Variants in DTNA observed in about 807,000 individuals in gnomAD.
The protein encoded by DTNA is dystrophin-related protein 3.
In DTNA, 43 loss-of-function variants were observed where a neutral mutation model predicts 100.7. The ratio of observed to expected loss-of-function variants is 0.43; its 90% CI spans 0.33 to 0.55. The LOEUF (loss-of-function observed/expected upper bound fraction) is 0.55. Ranked by LOEUF, DTNA falls within the 20% of genes least tolerant of loss-of-function variation. DTNA has a pLI of 0.04. For missense variants in DTNA, 798 were observed against 953.9 expected (o/e 0.84, Z 2.15); for synonymous variants, 349 against 347.9 (o/e 1.00, Z -0.04).
At chr18:34,670,646 G>T (rs1365015035) in intron 1 of DTNA, among the ~76,000 whole-genome samples, 2 of 152,178 alleles carry the variant, frequency 1.3e-5, no homozygotes. Context: ...TAACAGTCAG[G>T]ACCCTCAGCT....
upstream of DTNA, among the ~76,000 whole-genome samples, chr18:34,709,964 A>G (rs1392288275): frequency 6.6e-6 from 1 of 152,220 alleles, no homozygotes; most frequent in African/African-American, 2.4e-5. Context: ...ATTTAAAAAT[A>G]TTTAGTTGGC....
At chr18:34,612,522 G>A (rs542085941) in intron 1 of DTNA, among the ~76,000 whole-genome samples, 2 of 152,222 alleles carry the variant, frequency 1.3e-5, no homozygotes, top group Admixed American at 6.5e-5. Flanking sequence ...AAGGGGCCCT[G>A]GCACCCACAG....
intron 1 of DTNA, among the ~76,000 whole-genome samples, chr18:34,562,139 T>C (rs1422709401): frequency 6.6e-6 from 1 of 152,218 alleles, no homozygotes; most frequent in African/African-American, 2.4e-5. Context: ...GACATTTATG[T>C]ATTCCAAACT....
chr18:34,566,662 A>C (rs749967276), intron 1 of DTNA, among the ~76,000 whole-genome samples: 1 of 152,148 alleles, frequency 6.6e-6, no homozygotes, highest in East Asian at 1.9e-4. Flanking sequence ...AGGACATCTT[A>C]TTATATTCAC....
intron 3 of DTNA, 88 bp downstream of exon 3, chr18:34,766,129 CA>C (rs2093455781): frequency 7.2e-7 from 1 of 1,382,390 alleles, no homozygotes; most frequent in Non-Finnish European, 1.0e-6. Context: ...GATTCTGTTA[CA>C]AATATTGCTA....
chr18:34,536,682 A>G (rs1453302342), intron 1 of DTNA, among the ~76,000 whole-genome samples: 1 of 151,992 alleles, frequency 6.6e-6, no homozygotes, highest in Non-Finnish European at 1.5e-5. Context: ...AGTGAAGTGT[A>G]GCTATTATCT....
chr18:34,719,460 G>A (rs922036904), intron 1 of DTNA, among the ~76,000 whole-genome samples: 3 of 152,048 alleles, frequency 2.0e-5, no homozygotes, highest in South Asian at 2.1e-4. Context: ...ATTAAGGCCC[G>A]AGAGGTTAAG....
intron 3 of DTNA, among the ~76,000 whole-genome samples, chr18:34,781,053 G>A (rs909028705): frequency 2.6e-5 from 4 of 152,200 alleles, no homozygotes; most frequent in Non-Finnish European, 4.4e-5. Flanking sequence ...AAGAGGCTGA[G>A]GCCAGCCATT....
chr18:34,695,026 G>A (rs72953228), intron 1 of DTNA, among the ~76,000 whole-genome samples: 5 of 152,166 alleles, frequency 3.3e-5, no homozygotes, highest in Non-Finnish European at 5.9e-5. Context: ...ATATTCCCAC[G>A]GCACTTTGAA....
intron 1 of DTNA, among the ~76,000 whole-genome samples, chr18:34,607,172 T>C (rs2053295889): frequency 6.6e-6 from 1 of 152,198 alleles, no homozygotes; most frequent in Admixed American, 6.5e-5. Context: ...TTTTATCCAA[T>C]AGCTCTCATC....
chr18:34,717,684 T>A (rs927616888), intron 1 of DTNA, among the ~76,000 whole-genome samples: 1 of 151,940 alleles, frequency 6.6e-6, no homozygotes, highest in Admixed American at 6.6e-5. Context: ...TCCTAAGGAG[T>A]AAATGGTGCA....
At chr18:34,750,776 C>A (rs545529570) in intron 1 of DTNA, among the ~76,000 whole-genome samples, 1 of 152,138 alleles carries the variant, frequency 6.6e-6, no homozygotes, top group African/African-American at 2.4e-5. Context: ...TCAGCTTCTG[C>A]CTTTAAAATT....
chr18:34,745,495 C>A (rs1301300865), intron 1 of DTNA, among the ~76,000 whole-genome samples: 2 of 152,192 alleles, frequency 1.3e-5, no homozygotes, highest in Non-Finnish European at 2.9e-5. Flanking sequence ...CACCAAGAGT[C>A]ATGCCAATAA....
chr18:34,759,434 C>A (rs1432073590), intron 2 of DTNA, among the ~76,000 whole-genome samples: 1 of 152,150 alleles, frequency 6.6e-6, no homozygotes, highest in Non-Finnish European at 1.5e-5. Flanking sequence ...GGACATGTAC[C>A]TTCAAATCCA....
intron 1 of DTNA, among the ~76,000 whole-genome samples, chr18:34,736,694 C>G (rs2089664623): frequency 6.6e-6 from 1 of 152,082 alleles, no homozygotes; most frequent in Non-Finnish European, 1.5e-5. Flanking sequence ...CAAAATTGTG[C>G]ATTAAAATAA....
At chr18:34,771,603 A>G (rs974186708) in intron 3 of DTNA, among the ~76,000 whole-genome samples, 3 of 152,210 alleles carry the variant, frequency 2.0e-5, no homozygotes, top group African/African-American at 7.2e-5. Flanking sequence ...GTACCCTGCC[A>G]TACCTTCCCC....
chr18:34,686,581 A>G (rs1411476732), intron 1 of DTNA, among the ~76,000 whole-genome samples: 2 of 152,232 alleles, frequency 1.3e-5, no homozygotes, highest in African/African-American at 4.8e-5. Context: ...TTCATCAGGA[A>G]TATTGGCCTG....
chr18:34,742,640 A>ATCTAGATAGATAGATAATCTATTATCTG (rs2090890344), intron 1 of DTNA, among the ~76,000 whole-genome samples: 2 of 152,122 alleles, frequency 1.3e-5, no homozygotes, highest in African/African-American at 2.4e-5. Flanking sequence ...TCTATTATCT[A>ATCTAGATAGATAGATAATCTATTATCTG]TCTAGATAGA....
At chr18:34,839,469 A>G (rs2096225167) in intron 13 of DTNA, among the ~76,000 whole-genome samples, 1 of 152,224 alleles carries the variant, frequency 6.6e-6, no homozygotes, top group African/African-American at 2.4e-5. Context: ...AAGCCATTCA[A>G]AAGGCTTTTC....
Sources: gnomAD v4.1 joint callset for allele counts (sites outside exome capture counted in the v4.1 genomes callset) on GRCh38, gnomAD v4.1.1 for gene constraint, MANE v1.5 for transcripts, NCBI Gene and HGNC (gene_info 2026-07-23, HGNC 2026-07-21) for gene names.